ACTR3C: variants seen among roughly 807,000 people sequenced by gnomAD.
ACTR3C encodes actin related protein 3C.
Under a neutral mutation model 26.3 loss-of-function variants are expected in ACTR3C, and 18 were observed. The observed-to-expected ratio is 0.68, with a 90% CI of 0.47 to 1.01. The LOEUF is 1.01. ACTR3C is among the 50% of genes least tolerant of loss of function. The probability of loss-of-function intolerance (pLI) is 0.00; values close to 1 mark genes in which losing one functional copy is unlikely to be tolerated. For missense variants in ACTR3C, 184 were observed against 250.7 expected, an observed-to-expected ratio of 0.73 and a Z score of 1.80; for synonymous variants, 55 against 94.5, an observed-to-expected ratio of 0.58 and a Z score of 2.42.
chr7:149,990,513 C>T, the ACTR3C span, among the ~76,000 whole-genome samples: 1 of 122,830 alleles, frequency 8.1e-6, no homozygotes, highest in East Asian at 2.2e-4. Flanking sequence ...TAAACACGCA[C>T]CAAGGATATA....
chr7:150,185,680 A>T, the ACTR3C span, among the ~76,000 whole-genome samples: 2 of 151,566 alleles, frequency 1.3e-5, no homozygotes, highest in East Asian at 3.9e-4. Flanking sequence ...AGGGGGAGCC[A>T]ATCTACCCTC....
At chr7:150,044,299 T>C in the ACTR3C span, among the ~76,000 whole-genome samples, 1 of 152,240 alleles carries the variant, frequency 6.6e-6, no homozygotes, top group Non-Finnish European at 1.5e-5. Flanking sequence ...CCAGCAACAA[T>C]TCCTTTAAGA....
intron 6 of ACTR3C, among the ~76,000 whole-genome samples, chr7:150,256,670 C>T (rs922825558): frequency 5.3e-5 from 8 of 152,020 alleles, no homozygotes; most frequent in African/African-American, 1.9e-4. Context: ...GCTCACTACC[C>T]GCGTGACAAA....
intron 6 of ACTR3C, among the ~76,000 whole-genome samples, chr7:150,262,954 T>C (rs1376187304): frequency 6.6e-6 from 1 of 152,242 alleles, no homozygotes; most frequent in Non-Finnish European, 1.5e-5. Flanking sequence ...TTGAGAGAGA[T>C]AAGTACAGGT....
At chr7:150,047,156 C>T in the ACTR3C span, among the ~76,000 whole-genome samples, 320 of 151,400 alleles carry the variant, frequency 2.1e-3, 3 homozygotes, top group African/African-American at 7.3e-3. Context: ...AGGAGGGGCA[C>T]GATGGAGAGA....
the ACTR3C span, among the ~76,000 whole-genome samples, chr7:150,125,639 A>G: frequency 6.6e-6 from 1 of 152,034 alleles, no homozygotes; most frequent in Admixed American, 6.6e-5. Context: ...TTGTTTGGCT[A>G]TACACCCGAA....
chr7:150,049,227 G>A, the ACTR3C span, among the ~76,000 whole-genome samples: 1 of 151,818 alleles, frequency 6.6e-6, no homozygotes, highest in Non-Finnish European at 1.5e-5. Context: ...GCCCTCCCGC[G>A]TCCTCCCCGG....
the ACTR3C span, among the ~76,000 whole-genome samples, chr7:150,101,451 C>G: frequency 6.6e-6 from 1 of 151,720 alleles, no homozygotes. Flanking sequence ...GGAAATAACT[C>G]TCTTCTGACC....
chr7:149,884,330 A>G, the ACTR3C span, among the ~76,000 whole-genome samples: 11 of 152,294 alleles, frequency 7.2e-5, no homozygotes, highest in South Asian at 2.3e-3. Flanking sequence ...AGCAAATCTA[A>G]ATACGAATCT....
At chr7:150,084,319 G>A in the ACTR3C span, among the ~76,000 whole-genome samples, 1 of 152,098 alleles carries the variant, frequency 6.6e-6, no homozygotes, top group African/African-American at 2.4e-5. Context: ...TAACTACCAA[G>A]CACATTGCAG....
the ACTR3C span, among the ~76,000 whole-genome samples, chr7:150,162,262 A>G: frequency 2.5e-4 from 38 of 152,168 alleles, no homozygotes; most frequent in Admixed American, 1.2e-3. Context: ...AGTCAAGATC[A>G]TTTTTTTCCC....
At chr7:150,189,768 T>C in the ACTR3C span, among the ~76,000 whole-genome samples, 6 of 119,038 alleles carry the variant, frequency 5.0e-5, no homozygotes, top group Admixed American at 4.9e-4. Flanking sequence ...TACTCAATTG[T>C]ACGGATATAC....
the ACTR3C span, among the ~76,000 whole-genome samples, chr7:149,998,882 TC>T: frequency 6.6e-6 from 1 of 150,572 alleles, no homozygotes; most frequent in African/African-American, 2.4e-5. Context: ...CGCTGCTGTC[TC>T]CACCAACCTC....
the ACTR3C span, among the ~76,000 whole-genome samples, chr7:149,922,969 G>GTTTTTT: frequency 2.2e-4 from 5 of 23,102 alleles, no homozygotes; most frequent in South Asian, 1.7e-3. Context: ...GAAATAAAAG[G>GTTTTTT]CTTTTTTTTT....
chr7:149,932,005 G>A, the ACTR3C span, among the ~76,000 whole-genome samples: 1 of 152,254 alleles, frequency 6.6e-6, no homozygotes, highest in African/African-American at 2.4e-5. Flanking sequence ...AAATCTAACA[G>A]TTATATCCAC....
the ACTR3C span, among the ~76,000 whole-genome samples, chr7:150,110,083 G>A: frequency 8.6e-6 from 1 of 115,710 alleles, no homozygotes; most frequent in Non-Finnish European, 1.7e-5. Flanking sequence ...TCCAGGGCAG[G>A]CGAGGGCCAA....
At chr7:150,134,463 G>A in the ACTR3C span, among the ~76,000 whole-genome samples, 4 of 152,238 alleles carry the variant, frequency 2.6e-5, no homozygotes, top group African/African-American at 9.6e-5. Context: ...AAAAGTTACT[G>A]AGTCACAAAC....
the ACTR3C span, among the ~76,000 whole-genome samples, chr7:149,930,347 A>G: frequency 5.3e-5 from 8 of 152,258 alleles, no homozygotes; most frequent in African/African-American, 1.9e-4. Flanking sequence ...TGATCTCTGC[A>G]ACTTACTCTC....
chr7:149,993,940 A>C, the ACTR3C span, among the ~76,000 whole-genome samples: 1 of 152,222 alleles, frequency 6.6e-6, no homozygotes, highest in Non-Finnish European at 1.5e-5. Context: ...TGGATGGCTT[A>C]AAGTGGCCTG....
Sources: allele counts gnomAD v4.1 joint callset (sites outside exome capture counted in the v4.1 genomes callset), GRCh38; gene constraint gnomAD v4.1.1; transcripts MANE v1.5; gene names NCBI Gene and HGNC (gene_info 2026-07-23, HGNC 2026-07-21).